The following ABHD12 variants were observed in gnomAD, a reference collection of about 807,000 sequenced individuals.
ABHD12 encodes lysophosphatidylserine lipase ABHD12.
In ABHD12, 43 loss-of-function variants were observed where a neutral mutation model predicts 58.3. The observed-to-expected ratio is 0.74, with a 90% confidence interval of 0.58 to 0.95. ABHD12 has a LOEUF of 0.95. Among genes scored for constraint, ABHD12 ranks in the 40% least tolerant of loss-of-function variants. The probability of loss-of-function intolerance (pLI) is 0.00; values close to 1 mark genes in which losing one functional copy is unlikely to be tolerated. For synonymous variants in ABHD12, 219 were observed against 211.2 expected (o/e 1.04, Z -0.32); for missense variants, 539 against 537.2 (o/e 1.00, Z -0.03).
intron 1 of ABHD12, among the ~76,000 whole-genome samples, chr20:25,349,039 G>A (rs1335441622): frequency 6.7e-6 from 1 of 149,462 alleles, no homozygotes; most frequent in South Asian, 2.1e-4. Context: ...AGCCGAGATC[G>A]CGCCACTGCA....
At chr20:25,370,493 A>C (rs1413775488) in intron 1 of ABHD12, among the ~76,000 whole-genome samples, 1 of 152,204 alleles carries the variant, frequency 6.6e-6, no homozygotes, top group African/African-American at 2.4e-5. Flanking sequence ...CTGATGAATA[A>C]ACTATTTCTC....
chr20:25,377,697 T>C (rs1442447532), intron 1 of ABHD12, among the ~76,000 whole-genome samples: 1 of 152,052 alleles, frequency 6.6e-6, no homozygotes, highest in East Asian at 1.9e-4. Context: ...CACCTCTAGT[T>C]TTTTTGTTTG....
At chr20:25,366,281 C>CTT (rs916697130) in intron 1 of ABHD12, among the ~76,000 whole-genome samples, 3 of 143,774 alleles carry the variant, frequency 2.1e-5, no homozygotes, top group African/African-American at 7.6e-5. Flanking sequence ...CTTTTCTTTT[C>CTT]TTTTTTTTTT....
intron 1 of ABHD12, chr20:25,368,894 C>T (rs1017653112): frequency 6.9e-5 from 28 of 408,326 alleles, no homozygotes; most frequent in Non-Finnish European, 1.2e-4. Context: ...TGGGAGGCTG[C>T]GGCAGGATTG....
intron 1 of ABHD12, among the ~76,000 whole-genome samples, chr20:25,371,810 A>T (rs1472505009): frequency 2.0e-5 from 3 of 152,202 alleles, no homozygotes; most frequent in African/African-American, 7.2e-5. Flanking sequence ...CCAGTCTCCC[A>T]AACTGCTGGG....
At chr20:25,295,501 C>A, downstream of ABHD12, 1 of 1,345,410 alleles carries the variant, frequency 7.4e-7, no homozygotes, top group Non-Finnish European at 1.1e-6. Context: ...CCAGACAGGA[C>A]CAGGTGGATG....
At chr20:25,324,960 G>A (rs918740356) in intron 2 of ABHD12, among the ~76,000 whole-genome samples, 6 of 151,964 alleles carry the variant, frequency 3.9e-5, no homozygotes, top group Non-Finnish European at 7.4e-5. Context: ...CCATCTGATG[G>A]CTCCTATTAG....
chr20:25,352,885 A>T (rs79318416), intron 1 of ABHD12, among the ~76,000 whole-genome samples: 1 of 150,504 alleles, frequency 6.6e-6, no homozygotes, highest in Non-Finnish European at 1.5e-5. Flanking sequence ...GTCTTAATTT[A>T]AAAAAAAAAT....
At chr20:25,315,019 AT>A (rs966345946) in intron 5 of ABHD12, 49 bp from the exon 6 acceptor site, 3 of 1,600,392 alleles carry the variant, frequency 1.9e-6, no homozygotes, top group Non-Finnish European at 1.7e-6. Flanking sequence ...AAGCATCTGT[AT>A]TGAGGGCAGC....
intron 1 of ABHD12, among the ~76,000 whole-genome samples, chr20:25,376,404 T>C (rs2089963352): frequency 6.6e-6 from 1 of 152,264 alleles, no homozygotes; most frequent in African/African-American, 2.4e-5. Context: ...CTTTAAGGCC[T>C]TAATAAAACA....
downstream of ABHD12, chr20:25,296,344 G>A: frequency 6.2e-7 from 1 of 1,613,690 alleles, no homozygotes; most frequent in East Asian, 2.2e-5. Context: ...TGACGCCAGA[G>A]ACTAATTTCA....
rs931553434 is a variant in ABHD12, at chr20:25,390,630, G to A, written c.74C>T (p.Ser25Leu). 5.5e-6 allele frequency: 8 copies of A among 1,455,660 alleles called. No individual in the cohort carries two copies. In the African/African-American group the frequency reaches 7.4e-5, roughly 13 times the overall value. The allele number at this position is 1,455,660 out of a possible 1,614,324, so 90.2% of individuals were successfully genotyped here. Residue 25 changes from serine (S) to leucine (L), a missense_variant, in exon 1 of 13, where the codon TCG (serine) becomes TTG (leucine). Transcript: ENST00000339157. Reference protein sequence around the residue: ...CAAAGSSSSGSAAAALDADCR... With the variant: ...CAAAGSSSSGLAAAALDADCR... ...GTCGGCGTCCAGCGCCGCGGCGGCC[G>A]AGCCGGAGGAGGACGAGCCCGCGGC...
At chr20:25,345,385 G>A (rs918276216) in intron 1 of ABHD12, among the ~76,000 whole-genome samples, 2 of 151,954 alleles carry the variant, frequency 1.3e-5, no homozygotes, top group African/African-American at 2.4e-5. Flanking sequence ...GCGCCTGGCC[G>A]ATGAAGACTT....
chr20:25,355,246 A>G (rs1349165760), intron 1 of ABHD12, among the ~76,000 whole-genome samples: 1 of 152,138 alleles, frequency 6.6e-6, no homozygotes, highest in East Asian at 1.9e-4. Flanking sequence ...CCAGACTACA[A>G]GAAGAGCACT....
chr20:25,373,925 C>A (rs6050567), intron 1 of ABHD12, among the ~76,000 whole-genome samples: 1 of 151,678 alleles, frequency 6.6e-6, no homozygotes, highest in South Asian at 2.1e-4. Flanking sequence ...CATAGTGATG[C>A]ATTTATTTAT....
chr20:25,311,287 CAGAGAA>C (rs2088844788), intron 6 of ABHD12, among the ~76,000 whole-genome samples: 1 of 152,118 alleles, frequency 6.6e-6, no homozygotes, highest in Non-Finnish European at 1.5e-5. Context: ...GGGTCCTCAT[CAGAGAA>C]AAAGGGAGAG....
intron 10 of ABHD12, among the ~76,000 whole-genome samples, chr20:25,305,487 T>A (rs2088720166): frequency 6.6e-6 from 1 of 151,836 alleles, no homozygotes; most frequent in Admixed American, 6.6e-5. Flanking sequence ...CTCAGCCTCC[T>A]GATTAGCTGG....
intron 6 of ABHD12, 91 bp downstream of exon 6, chr20:25,314,834 G>T: frequency 1.4e-6 from 2 of 1,423,630 alleles, no homozygotes; most frequent in Non-Finnish European, 2.0e-6. Context: ...CGCTGGCCTT[G>T]CTCCGAGCCT....
intron 1 of ABHD12, among the ~76,000 whole-genome samples, chr20:25,345,962 T>C (rs1042031312): frequency 1.3e-5 from 2 of 152,146 alleles, no homozygotes; most frequent in African/African-American, 2.4e-5. Context: ...ATGAAAAATA[T>C]ATGTCCACAC....
Sources: gnomAD v4.1 joint callset for allele counts (sites outside exome capture counted in the v4.1 genomes callset) on GRCh38, gnomAD v4.1.1 for gene constraint, MANE v1.5 for transcripts, NCBI Gene and HGNC (gene_info 2026-07-23, HGNC 2026-07-21) for gene names.